Variants in FBXO30 observed in about 807,000 individuals in gnomAD.
FBXO30 encodes the protein F-box only protein 30.
FBXO30 carries 21 observed loss-of-function variants against 58.1 expected under a neutral mutation model. That is an observed-to-expected ratio of 0.36 (90% CI 0.26 to 0.52). The LOEUF is 0.52. Among genes scored for constraint, FBXO30 ranks in the 20% least tolerant of loss-of-function variants. FBXO30 has a pLI of 0.93. For missense variants in FBXO30, 744 were observed against 897.3 expected (o/e 0.83, Z 2.18); for synonymous variants, 309 against 312.4 (o/e 0.99, Z 0.11).
At position 145,798,401 on chromosome 6, in the gene FBXO30, A is replaced by C. The variant is rs76957387; in HGVS notation, c.*1705T>G. ...TTAAAAACAATGAATTTTAAAAAGC[A>C]TAACTATAAAACAAAAGTTAATGCT... On this transcript the variant is annotated 3_prime_UTR_variant, in exon 3 of 3. Coordinates refer to ENST00000237281, the MANE Select transcript of FBXO30 (RefSeq NM_032145.5). The C allele has an allele frequency of 6.0e-3, 914 of 152,512 alleles. 26 individuals are homozygous for C. In the East Asian group the frequency reaches 0.1, roughly 17 times the overall value. The allele number at this position is 152,512 out of a possible 1,614,324, so 9.4% of individuals were successfully genotyped here. A position where few individuals can be genotyped will look rare whatever the true frequency, so the allele number is the denominator to read the frequency against.
At position 145,802,877 on chromosome 6, in the gene FBXO30, G is replaced by T. The variant is rs562769552; in HGVS notation, c.2034+1495C>A. 2.0e-5 allele frequency among the ~76,000 whole-genome samples: 3 copies of T among 152,010 alleles called. 1 individual carries two copies. The highest frequency in any genetic ancestry group is 4.4e-5 in the Non-Finnish European group (3 of 67,980). On this transcript the variant is annotated intron_variant, in intron 2 of 2. Coordinates refer to ENST00000237281, the MANE Select transcript of FBXO30 (RefSeq NM_032145.5). ...CATGATTATCTGAATAAAAATAAAG[G>T]GGGGAGAAAAAGCAGCCAACATAAC...
chr6:145,800,309 C>T lies in FBXO30; in HGVS notation c.2035G>A (p.Val679Ile), dbSNP rs1304812148. 6.2e-7 allele frequency: 1 copy of T among 1,611,046 alleles called. No individual in the cohort carries two copies. Among genetic ancestry groups the T allele is most frequent in the Non-Finnish European group, 8.5e-7 (1 of 1,178,162 alleles). ...GNSSWQIKEK[V>I]WRFSTAFCSV... ...CAAAATGCAGTACTAAATCGCCATA[C>T]CTACAAGAAAATTCTACTTTAGATT... is the stretch of plus-strand genomic sequence containing the variant. The change falls in exon 3 of 3, where the codon GTA becomes ATA. Residue 679 changes from valine (V) to isoleucine (I), a missense_variant and splice_region_variant. This residue lies in a region of FBXO30 where 334 missense variants were observed against 433.7 expected (regional missense o/e 0.77). Transcript: ENST00000237281.
At position 145,798,735 on chromosome 6, in the gene FBXO30, T is replaced by G. The variant is rs903838748; in HGVS notation, c.*1371A>C. 6.6e-6 allele frequency: 1 copy of G among 152,122 alleles called. No homozygotes were observed. The highest frequency in any genetic ancestry group is 2.4e-5 in the African/African-American group (1 of 41,408). 9.4% of individuals were successfully genotyped at this position (152,122 alleles called of 1,614,324 possible). On this transcript the variant is annotated 3_prime_UTR_variant, in exon 3 of 3. Coordinates refer to ENST00000237281, the MANE Select transcript of FBXO30 (RefSeq NM_032145.5). ...ATGCTTAAGGAACGCCTCTGCCTGA[T>G]TGCCATATAAGGGAATCAAGAACCT...
intron 1 of FBXO30, among the ~76,000 whole-genome samples, chr6:145,813,180 A>AACT (rs1778381925): frequency 6.6e-6 from 1 of 152,176 alleles, no homozygotes; most frequent in Non-Finnish European, 1.5e-5. Context: ...CACTTTTTAG[A>AACT]AGAAGTCTCC....
At chr6:145,807,900 G>A (rs1778223028) in intron 1 of FBXO30, among the ~76,000 whole-genome samples, 1 of 152,008 alleles carries the variant, frequency 6.6e-6, no homozygotes, top group African/African-American at 2.4e-5. Flanking sequence ...GGCCAACATA[G>A]GAGGGTCATT....
intron 1 of FBXO30, among the ~76,000 whole-genome samples, chr6:145,808,909 G>C (rs1040167820): frequency 1.3e-5 from 2 of 152,102 alleles, no homozygotes; most frequent in African/African-American, 4.8e-5. Flanking sequence ...TTTTTCTCCA[G>C]TTGAGGTATG....
intron 1 of FBXO30, among the ~76,000 whole-genome samples, chr6:145,809,473 A>C (rs1277585493): frequency 6.6e-6 from 1 of 152,232 alleles, no homozygotes; most frequent in African/African-American, 2.4e-5. Context: ...TGACATCACC[A>C]GGCAAAACAT....
rs1777915181 is a variant in FBXO30, at chr6:145,798,709, A to G, written c.*1397T>C. On this transcript the variant is annotated 3_prime_UTR_variant, in exon 3 of 3. Coordinates refer to ENST00000237281, the MANE Select transcript of FBXO30 (RefSeq NM_032145.5). ...CAAATCTTAAGCTTCAGAACTCTCT[A>G]ATGCTTAAGGAACGCCTCTGCCTGA... 6.6e-6 allele frequency: 1 copy of G among 152,246 alleles called. No individual in the cohort carries two copies. The highest frequency in any genetic ancestry group is 1.5e-5 in the Non-Finnish European group (1 of 67,938). The allele number at this position is 152,246 out of a possible 1,614,324, so 9.4% of individuals were successfully genotyped here.
chr6:145,807,641 TG>T (rs1778214734), intron 1 of FBXO30, among the ~76,000 whole-genome samples: 1 of 152,226 alleles, frequency 6.6e-6, no homozygotes, highest in Admixed American at 6.5e-5. Context: ...AGATGTCTAA[TG>T]GTCTTCCCTG....
In FBXO30 at chr6:145,805,686, A is replaced by G. The variant is rs767488636; in HGVS notation, c.720T>C (p.Tyr240=). 6.2e-7 allele frequency: 1 copy of G among 1,614,068 alleles called. No individual in the cohort carries two copies. The highest frequency in any genetic ancestry group is 8.5e-7 in the Non-Finnish European group (1 of 1,179,968). The change falls in exon 2 of 3, where the codon TAT becomes TAC. Residue 240 remains tyrosine, a synonymous_variant. Transcript: ENST00000237281. ...DQNLKDQDHL[Y]EEEIGAVGGI... ...CACCTACTGCTCCTATTTCCTCCTC[A>G]TAAAGATGATCTTGGTCTTTCAAGT...
chr6:145,812,816 G>GGTAGCTATATTGTCT (rs1293892651), intron 1 of FBXO30, among the ~76,000 whole-genome samples: 1 of 151,978 alleles, frequency 6.6e-6, no homozygotes, highest in African/African-American at 2.4e-5. Flanking sequence ...CTAAAATATA[G>GGTAGCTATATTGTCT]AAGCAACTTG....
rs118184130 is a variant in FBXO30 at position 145,809,076 on chromosome 6, T to C, written c.-16-2655A>G. Among the ~76,000 whole-genome samples the C allele has an allele frequency of 4.2e-3, 634 of 152,326 alleles. 17 individuals are homozygous for C. The East Asian group carries it at 0.071, about 17-fold the overall frequency. On this transcript the variant is annotated intron_variant, in intron 1 of 2. Transcript: ENST00000237281. ...CAACGCCAAACCTATATTTTTTAAT[T>C]GTGTTAAAAACTACAAATTATGAGT...
chr6:145,794,128 A>T lies in FBXO30; in HGVS notation c.*5978T>A, dbSNP rs977409694. ...CCATACCCATGAAGCAGTCACTCCC[A>T]TTCCCCCAGCAACCATGAATCTGAT... On this transcript the variant is annotated 3_prime_UTR_variant, in exon 3 of 3. Coordinates refer to ENST00000237281, the MANE Select transcript of FBXO30 (RefSeq NM_032145.5). 1 of 151,984 alleles carries T rather than the reference A, an allele frequency of 6.6e-6. No individual in the cohort carries two copies. Among genetic ancestry groups the T allele is most frequent in the African/African-American group, 2.4e-5 (1 of 41,416 alleles). The allele number at this position is 151,984 out of a possible 1,614,324, so 9.4% of individuals were successfully genotyped here.
chr6:145,804,215 C>G (rs1057492805), intron 2 of FBXO30, among the ~76,000 whole-genome samples, 157 bp downstream of exon 2: 1 of 152,088 alleles, frequency 6.6e-6, no homozygotes, highest in African/African-American at 2.4e-5. Context: ...TATCCTAGTT[C>G]ATTATTAATT....
At position 145,805,701 on chromosome 6, in the gene FBXO30, G is replaced by A. The variant is rs752543124; in HGVS notation, c.705C>T (p.Asp235=). ...TTTCCTCCTCATAAAGATGATCTTG[G>A]TCTTTCAAGTTTTGATCCTCTAAGC... ...RESLEDQNLK[D]QDHLYEEEIG... is the part of the protein sequence containing the mutation. The change falls in exon 2 of 3, where the codon GAC becomes GAT. Residue 235 remains aspartate (D), a synonymous_variant. Transcript: ENST00000237281. 1 of 1,613,994 alleles carries A rather than the reference G, an allele frequency of 6.2e-7. No homozygotes were observed. The highest frequency in any genetic ancestry group is 8.5e-7 in the Non-Finnish European group (1 of 1,179,958).
chr6:145,801,841 G>A (rs1778008268), intron 2 of FBXO30, among the ~76,000 whole-genome samples: 1 of 152,014 alleles, frequency 6.6e-6, no homozygotes, highest in Non-Finnish European at 1.5e-5. Context: ...AGCTTGGGCA[G>A]GTGAATTAGC....
chr6:145,800,655 AT>A (rs1292672201), intron 2 of FBXO30, among the ~76,000 whole-genome samples: 7 of 152,076 alleles, frequency 4.6e-5, no homozygotes, highest in Non-Finnish European at 1.0e-4. Flanking sequence ...ACTACACACT[AT>A]TCTTTCATAC....
At chr6:145,813,058 TG>T (rs1373512771) in intron 1 of FBXO30, among the ~76,000 whole-genome samples, 1 of 152,108 alleles carries the variant, frequency 6.6e-6, no homozygotes, top group Non-Finnish European at 1.5e-5. Context: ...CTTAGAAACA[TG>T]TTATATCAAA....
Position 145,804,377 on chromosome 6 carries a change from C to G in FBXO30, c.2029G>C (p.Glu677Gln). 1 of 1,609,870 alleles carries G rather than the reference C, an allele frequency of 6.2e-7. No individual in the cohort carries two copies. Among genetic ancestry groups the G allele is most frequent in the Non-Finnish European group, 8.5e-7 (1 of 1,178,060 alleles). Residue 677 changes from glutamate (E) to glutamine (Q), a missense_variant, in exon 2 of 3, where the codon GAA becomes CAA. This residue lies in a region of FBXO30 where 334 missense variants were observed against 433.7 expected (regional missense o/e 0.77). Transcript: ENST00000237281. ...PEGNSSWQIK[E>Q]KVWRFSTAFC... The stretch of plus-strand genomic sequence containing the variant: ...GTTGTAAAGATTACACTAACCTTTT[C>G]TTTTATCTGCCATGATGAATTTCCT...
Sources: allele counts gnomAD v4.1 joint callset (sites outside exome capture counted in the v4.1 genomes callset), GRCh38; gene constraint gnomAD v4.1.1; regional missense constraint gnomAD v4.1.1; transcripts MANE v1.5; gene names NCBI Gene and HGNC (gene_info 2026-07-23, HGNC 2026-07-21).